The following COL5A3 variants were observed in gnomAD, a reference collection of about 807,000 sequenced individuals.
COL5A3 encodes collagen alpha-3(V) chain.
In COL5A3, 172 loss-of-function variants were observed where a neutral mutation model predicts 250.0. The ratio of observed to expected loss-of-function variants is 0.69; its 90% confidence interval spans 0.61 to 0.78. The LOEUF (loss-of-function observed/expected upper bound fraction) is 0.78. Among genes scored for constraint, COL5A3 ranks in the 30% least tolerant of loss-of-function variants. The pLI is 0.00. For synonymous variants in COL5A3, 937 were observed against 900.4 expected (o/e 1.04, Z -0.73); for missense variants, 2,340 against 2,334.4 (o/e 1.00, Z -0.05).
rs1433987728 is a variant in COL5A3 at position 9,970,057 on chromosome 19, CTGGGTGAGTGGGGGCTG to C, written c.3937-152_3937-136del. On this transcript the variant is annotated intron_variant, in intron 54 of 66. Transcript: ENST00000264828. Reference sequence around the variant, plus strand: ...GTGGGGTCTGTGGGGTGAATGAGGTCTGGGTGAGTGGGGGCTGTGGGTGAGTGGGGGCTGTGGCTGAG... The same window carrying C: ...GTGGGGTCTGTGGGGTGAATGAGGTCTGGGTGAGTGGGGGCTGTGGCTGAG... 43 of 196,624 alleles carry C rather than the reference CTGGGTGAGTGGGGGCTG, an allele frequency of 2.2e-4. 3 individuals are homozygous for C. The highest frequency in any genetic ancestry group is 8.2e-4 in the South Asian group (16 of 19,480). 12.2% of individuals were successfully genotyped at this position (196,624 alleles called of 1,614,324 possible).
At chr19:9,966,817 A>C in intron 62 of COL5A3, 71 bp from the exon 63 acceptor site, 1 of 1,237,318 alleles carries the variant, frequency 8.1e-7, no homozygotes, top group Non-Finnish European at 1.1e-6. Context: ...AAAGAGAGAC[A>C]GGCAGAGATG....
intron 31 of COL5A3, among the ~76,000 whole-genome samples, chr19:9,984,894 T>C (rs1161950930): frequency 6.6e-6 from 1 of 150,780 alleles, no homozygotes; most frequent in East Asian, 1.9e-4. Flanking sequence ...TGGGCTCAGG[T>C]GATCCTCCCA....
intron 54 of COL5A3, 98 bp downstream of exon 54, chr19:9,970,524 T>TGAGTGGGGG (rs2086829503): frequency 2.0e-6 from 1 of 499,972 alleles, no homozygotes; most frequent in African/African-American, 3.8e-5. Flanking sequence ...GTGTGTGGGG[T>TGAGTGGGGG]CTGTGGGGTG....
intron 15 of COL5A3, 84 bp from the exon 16 acceptor site, chr19:9,995,701 G>A (rs1233910129): frequency 9.2e-7 from 1 of 1,091,442 alleles, no homozygotes; most frequent in African/African-American, 1.6e-5. Flanking sequence ...AATTAGAGAT[G>A]GGGTCTTGCT....
At chr19:9,991,881 C>T (rs1204174033) in intron 22 of COL5A3, 40 bp from the exon 23 acceptor site, 3 of 1,599,092 alleles carry the variant, frequency 1.9e-6, no homozygotes, top group Non-Finnish European at 2.6e-6. Context: ...TAAGAGGGGT[C>T]ATGGTGTTGG....
chr19:9,995,684 T>TA (rs975569211), intron 15 of COL5A3, 67 bp from the exon 16 acceptor site: 157 of 1,261,382 alleles, frequency 1.2e-4, no homozygotes, highest in East Asian at 1.1e-3. Context: ...TCTATTGTAT[T>TA]AAAAAAAATT....
At position 9,996,051 on chromosome 19, in the gene COL5A3, C is replaced by G; in HGVS notation, c.1533+15G>C. On this transcript the variant is annotated intron_variant, in intron 15 of 66. Coordinates refer to ENST00000264828, the MANE Select transcript of COL5A3 (RefSeq NM_015719.4). ...CTATTCCCATCCTATCCTGCCCTAT[C>G]TCCACAAGTCTCACCTGTGGCCCTT... 1 of 1,551,850 alleles carries G rather than the reference C, an allele frequency of 6.4e-7. No homozygotes were observed. The highest frequency in any genetic ancestry group is 8.7e-7 in the Non-Finnish European group (1 of 1,150,372).
At chr19:9,961,684 A>G (rs1217847150) in intron 65 of COL5A3, among the ~76,000 whole-genome samples, 2 of 150,376 alleles carry the variant, frequency 1.3e-5, no homozygotes, top group East Asian at 2.0e-4. Context: ...TCAGCCTCCC[A>G]AGTAACTGGG....
Position 9,997,433 on chromosome 19 carries a change from C to T in COL5A3, c.1201G>A (p.Gly401Arg). 1 of 1,602,932 alleles carries T rather than the reference C, an allele frequency of 6.2e-7. No homozygotes were observed. The highest frequency in any genetic ancestry group is 8.5e-7 in the Non-Finnish European group (1 of 1,175,006). ...EGPPGAPGPQ[G>R]VVGPSGPPGP... ...GGAGGGCCTGAGGGGCCAACCACCC[C>T]CTGTTGGGGACAGAGAAACAGGAGT... is the stretch of plus-strand genomic sequence containing the variant. Residue 401 changes from glycine to arginine, a missense_variant and splice_region_variant, in exon 11 of 67, where the codon GGG becomes AGG. Transcript: ENST00000264828.
Position 9,966,558 on chromosome 19 carries a change from G to T in COL5A3, c.4647C>A (p.Arg1549=). Residue 1549 remains arginine (R), a synonymous_variant, in exon 63 of 67, where the codon CGC becomes CGA. Coordinates refer to ENST00000264828, the MANE Select transcript of COL5A3 (RefSeq NM_015719.4). ...CACCATCAGGCAGGTGCGGGTGGTT[G>T]CGGTGCAGCTCGTGGCACACGAGGC... The part of the protein sequence containing the change: ...RPGLVCHELH[R]NHPHLPDGEY... 1 of 1,543,798 alleles carries T rather than the reference G, an allele frequency of 6.5e-7. No individual in the cohort carries two copies.
rs1399333840 is a variant in COL5A3 at position 9,989,332 on chromosome 19, TTC to T, written c.2079_2080del (p.Lys694ArgfsTer53). 19 of 1,614,042 alleles carry T rather than the reference TTC, an allele frequency of 1.2e-5. No homozygotes were observed. Among genetic ancestry groups the T allele is most frequent in the Non-Finnish European group, 1.6e-5 (19 of 1,180,034 alleles). ...CTCCTGGTCACTCACCTGAGCCCCT[TTC>T]TCTCCCGTGGGGCCCTCATGTCCTG... is the stretch of plus-strand genomic sequence containing the variant. On this transcript the variant is annotated frameshift_variant, in exon 26 of 67. Transcript: ENST00000264828. LOFTEE classifies it high-confidence loss of function.
chr19:9,964,924 C>T (rs2086719547), intron 64 of COL5A3, among the ~76,000 whole-genome samples: 1 of 136,120 alleles, frequency 7.3e-6, no homozygotes. Flanking sequence ...TGGCGCATGC[C>T]TGTAATTACA....
intron 4 of COL5A3, 110 bp downstream of exon 4, chr19:10,005,448 G>T: frequency 1.8e-6 from 2 of 1,136,138 alleles, no homozygotes; most frequent in East Asian, 2.4e-5. Context: ...TAGCTTCCTG[G>T]GGATAGATTG....
chr19:9,998,390 A>G (rs547778984), intron 8 of COL5A3, among the ~76,000 whole-genome samples: 35 of 152,224 alleles, frequency 2.3e-4, no homozygotes, highest in South Asian at 2.1e-4. Flanking sequence ...GCTGCCCAAT[A>G]CTGATCCTGC....
At chr19:9,996,155 G>C in intron 14 of COL5A3, 36 bp from the exon 15 acceptor site, 2 of 1,552,956 alleles carry the variant, frequency 1.3e-6, no homozygotes, top group Non-Finnish European at 1.7e-6. Flanking sequence ...GTGGGTAGAT[G>C]ATTCTTCACT....
At chr19:9,974,494 G>T in intron 45 of COL5A3, 86 bp from the exon 46 acceptor site, 1 of 1,013,706 alleles carries the variant, frequency 9.9e-7, no homozygotes. Flanking sequence ...CTGAGGTTAA[G>T]GGTTGGAGTC....
At chr19:9,979,021 G>C (rs540958528) in intron 39 of COL5A3, 41 bp from the exon 40 acceptor site, 2 of 1,500,494 alleles carry the variant, frequency 1.3e-6, no homozygotes, top group Admixed American at 4.7e-5. Context: ...TCCAGGGAGG[G>C]GATGTCTCCC....
rs1212133911 is a variant in COL5A3 at position 9,996,628 on chromosome 19, A to G, written c.1325T>C (p.Val442Ala). The change falls in exon 12 of 67, where the codon GTG (valine) becomes GCG (alanine). Residue 442 changes from valine (V) to alanine (A), a missense_variant. Physicochemically the swap from Val to Ala is moderately conservative, Grantham distance 64. Coordinates refer to ENST00000264828, the MANE Select transcript of COL5A3 (RefSeq NM_015719.4). ...TCTCCTTCTTACCGGCATCATGATC[A>G]CAGTGCCCGGTGGGCCTCGGATCCC... ...IDGIRGPPGT[V>A]IMMPFQFAGG... is the part of the protein sequence containing the mutation. The G allele has an allele frequency of 1.9e-6, 3 of 1,613,606 alleles. No homozygotes were observed. The highest frequency in any genetic ancestry group is 2.5e-6 in the Non-Finnish European group (3 of 1,179,890).
At chr19:9,960,965 TC>T in intron 65 of COL5A3, 75 bp from the exon 66 acceptor site, 1 of 1,550,210 alleles carries the variant, frequency 6.5e-7, no homozygotes, top group Non-Finnish European at 8.7e-7. Flanking sequence ...CCCTGGAATC[TC>T]CATCCACTGG....
Sources: allele counts gnomAD v4.1 joint callset (sites outside exome capture counted in the v4.1 genomes callset), GRCh38; gene constraint gnomAD v4.1.1; transcripts MANE v1.5; gene names NCBI Gene and HGNC (gene_info 2026-07-23, HGNC 2026-07-21).